Variants in RAB5A observed in about 807,000 individuals in gnomAD.
RAB5A encodes the protein RAB5A, member RAS oncogene family.
Under a neutral mutation model 25.7 loss-of-function variants are expected in RAB5A, and 8 were observed. The observed-to-expected ratio is 0.31, with a 90% CI of 0.18 to 0.56. The LOEUF is 0.56. Ranked by LOEUF, RAB5A falls within the 20% of genes least tolerant of loss-of-function variation. The pLI is 0.91. For synonymous variants in RAB5A, 98 were observed against 89.8 expected, an observed-to-expected ratio of 1.09 and a Z score of -0.52; for missense variants, 192 against 259.7, an observed-to-expected ratio of 0.74 and a Z score of 1.79.
In RAB5A at chr3:19,983,947, C is replaced by T. The variant is rs1559494673; in HGVS notation, c.*124C>T. ...AGAGACTTATGATAGAGTCAAGTTT[C>T]TAATACAGAATTATTTTAAGTGTTT... On this transcript the variant is annotated 3_prime_UTR_variant, in exon 6 of 6. Coordinates refer to ENST00000273047, the MANE Select transcript of RAB5A (RefSeq NM_004162.5). The T allele has an allele frequency of 3.6e-5, 24 of 662,298 alleles. No homozygotes were observed. The South Asian group carries it at 4.5e-4, about 13-fold the overall frequency. 41.0% of individuals were successfully genotyped at this position (662,298 alleles called of 1,614,324 possible).
At chr3:19,967,873 G>A (rs746897101) in intron 2 of RAB5A, among the ~76,000 whole-genome samples, 3 of 151,976 alleles carry the variant, frequency 2.0e-5, no homozygotes, top group Non-Finnish European at 4.4e-5. Context: ...GGTGCTTCCT[G>A]TATACACACA....
chr3:19,984,262 A>T lies in RAB5A; in HGVS notation c.*439A>T. ...CTAAAGTTATTTATGATGCTTAGCC[A>T]TAGTATTCAGGCAAATGTTCATTTC... On this transcript the variant is annotated 3_prime_UTR_variant, in exon 6 of 6. Transcript: ENST00000273047. The T allele has an allele frequency of 2.3e-6, 1 of 430,994 alleles. No individual in the cohort carries two copies. Among genetic ancestry groups the T allele is most frequent in the Non-Finnish European group, 4.5e-6 (1 of 220,674 alleles). 26.7% of individuals were successfully genotyped at this position (430,994 alleles called of 1,614,324 possible).
intron 2 of RAB5A, among the ~76,000 whole-genome samples, chr3:19,953,843 C>T (rs1307225561): frequency 6.6e-6 from 1 of 152,176 alleles, no homozygotes; most frequent in Non-Finnish European, 1.5e-5. Flanking sequence ...CATAGCTCTT[C>T]ACCTTTAGGA....
intron 2 of RAB5A, among the ~76,000 whole-genome samples, chr3:19,973,015 A>G (rs1395182843): frequency 6.6e-6 from 1 of 152,244 alleles, no homozygotes; most frequent in East Asian, 1.9e-4. Flanking sequence ...CACACACTTA[A>G]TACTATGTTG....
chr3:19,971,560 C>A (rs1017250967), intron 2 of RAB5A, among the ~76,000 whole-genome samples: 4 of 152,098 alleles, frequency 2.6e-5, no homozygotes, highest in Non-Finnish European at 4.4e-5. Flanking sequence ...CAACCTCTGC[C>A]TCCCGAGTTC....
At chr3:19,955,503 G>A (rs1442554829) in intron 2 of RAB5A, among the ~76,000 whole-genome samples, 4 of 152,194 alleles carry the variant, frequency 2.6e-5, no homozygotes, top group Non-Finnish European at 5.9e-5. Context: ...GGCATGTTAC[G>A]TTTGAGTAGT....
intron 2 of RAB5A, among the ~76,000 whole-genome samples, chr3:19,964,056 G>A (rs766143605): frequency 1.1e-4 from 17 of 152,218 alleles, no homozygotes; most frequent in Non-Finnish European, 1.5e-4. Flanking sequence ...GGGCTAGGAA[G>A]CATTATGTGC....
In RAB5A at chr3:19,985,148, G is replaced by C; in HGVS notation, c.*1325G>C. 2.3e-6 allele frequency: 1 copy of C among 442,288 alleles called. No homozygotes were observed. The highest frequency in any genetic ancestry group is 4.0e-5 in the Admixed American group (1 of 24,792). The allele number at this position is 442,288 out of a possible 1,614,324, so 27.4% of individuals were successfully genotyped here. A position where few individuals can be genotyped will look rare whatever the true frequency, so the allele number is the denominator to read the frequency against. ...GTTTAGTTTTATATTGAGGTGCTCA[G>C]GTTGGAATAAAGTGGTATAAAAAGC... is the stretch of plus-strand genomic sequence containing the variant. On this transcript the variant is annotated 3_prime_UTR_variant, in exon 6 of 6. Coordinates refer to ENST00000273047, the MANE Select transcript of RAB5A (RefSeq NM_004162.5).
In RAB5A at chr3:19,984,665, A is replaced by T. The variant is rs1696998723; in HGVS notation, c.*842A>T. On this transcript the variant is annotated 3_prime_UTR_variant, in exon 6 of 6. Transcript: ENST00000273047. ...TAATATAGTCAATGCACTAACAATT[A>T]TGTATATTCAAACTTGATTATTTTA... The T allele has an allele frequency of 6.4e-6, 1 of 156,332 alleles. No homozygotes were observed. The highest frequency in any genetic ancestry group is 1.4e-5 in the Non-Finnish European group (1 of 70,726). The allele number at this position is 156,332 out of a possible 1,614,324, so 9.7% of individuals were successfully genotyped here. A position where few individuals can be genotyped will look rare whatever the true frequency, so the allele number is the denominator to read the frequency against.
chr3:19,952,379 A>G (rs1696436857), intron 2 of RAB5A, among the ~76,000 whole-genome samples: 1 of 152,232 alleles, frequency 6.6e-6, no homozygotes, highest in South Asian at 2.1e-4. Context: ...GTATTCATGT[A>G]TATATTTTAA....
chr3:19,976,297 A>ATT, intron 4 of RAB5A, 128 bp downstream of exon 4: 2 of 1,041,278 alleles, frequency 1.9e-6, no homozygotes, highest in Non-Finnish European at 2.7e-6. Context: ...TTTAAAACAA[A>ATT]TATAAAGTAC....
chr3:19,952,233 A>C (rs755337133), intron 2 of RAB5A, among the ~76,000 whole-genome samples: 2 of 152,248 alleles, frequency 1.3e-5, no homozygotes, highest in African/African-American at 2.4e-5. Flanking sequence ...CAGTGGGACA[A>C]GATAGCCTCT....
chr3:19,958,152 C>T (rs1181039728), intron 2 of RAB5A, among the ~76,000 whole-genome samples: 2 of 152,112 alleles, frequency 1.3e-5, no homozygotes, highest in Non-Finnish European at 2.9e-5. Context: ...GTTTTTGATT[C>T]GTGAGAAAAA....
chr3:19,966,984 A>T (rs1696670784), intron 2 of RAB5A, among the ~76,000 whole-genome samples: 1 of 152,120 alleles, frequency 6.6e-6, no homozygotes, highest in African/African-American at 2.4e-5. Context: ...ATAGAGACAG[A>T]GTCTCACTAT....
chr3:19,968,029 C>T (rs1696685057), intron 2 of RAB5A, among the ~76,000 whole-genome samples: 1 of 152,162 alleles, frequency 6.6e-6, no homozygotes, highest in Non-Finnish European at 1.5e-5. Context: ...GCTGTTAGTA[C>T]TCATTTTCCC....
chr3:19,967,147 A>AT (rs11362045), intron 2 of RAB5A, among the ~76,000 whole-genome samples: 4,834 of 140,134 alleles, frequency 0.034, 236 homozygotes, highest in African/African-American at 0.11. Context: ...TCCTTTGTCC[A>AT]TTTTTTTTTT....
intron 1 of RAB5A, 59 bp from the exon 2 acceptor site, chr3:19,950,747 A>G: frequency 1.4e-6 from 1 of 690,268 alleles, no homozygotes; most frequent in East Asian, 2.7e-5. Flanking sequence ...ATTTAAAGTG[A>G]TTAATAGTAA....
At chr3:19,951,636 ATCT>A (rs1696423580) in intron 2 of RAB5A, among the ~76,000 whole-genome samples, 1 of 148,522 alleles carries the variant, frequency 6.7e-6, no homozygotes, top group Non-Finnish European at 1.5e-5. Flanking sequence ...GGCTCAAATG[ATCT>A]TCTTGCCTTA....
intron 2 of RAB5A, among the ~76,000 whole-genome samples, chr3:19,973,566 C>T (rs1375109099): frequency 1.3e-5 from 2 of 152,074 alleles, no homozygotes; most frequent in East Asian, 1.9e-4. Context: ...CAAAAAGTGA[C>T]ATAGTGCTGT....
Sources: allele counts gnomAD v4.1 joint callset (sites outside exome capture counted in the v4.1 genomes callset), GRCh38; gene constraint gnomAD v4.1.1; transcripts MANE v1.5; gene names NCBI Gene and HGNC (gene_info 2026-07-23, HGNC 2026-07-21).